KLHL1: variants seen among roughly 807,000 people sequenced by gnomAD.
The protein encoded by KLHL1 is kelch-like protein 1.
A neutral mutation model predicts 77.7 loss-of-function variants in KLHL1; 47 were observed. The observed-to-expected ratio is 0.60, with a 90% CI of 0.48 to 0.77. KLHL1 has a LOEUF of 0.77. Among genes scored for constraint, KLHL1 ranks in the 30% least tolerant of loss-of-function variants. The probability of loss-of-function intolerance (pLI) is 0.00; values close to 1 mark genes in which losing one functional copy is unlikely to be tolerated. For synonymous variants in KLHL1, 360 were observed against 325.2 expected (o/e 1.11, Z -1.15); for missense variants, 925 against 910.8 (o/e 1.02, Z -0.20).
intron 7 of KLHL1, among the ~76,000 whole-genome samples, chr13:69,745,784 G>A (rs774983354): frequency 6.6e-6 from 1 of 151,734 alleles, no homozygotes; most frequent in Non-Finnish European, 1.5e-5. Context: ...TTAAAAAATT[G>A]TAAACATAAA....
intron 4 of KLHL1, among the ~76,000 whole-genome samples, chr13:69,928,879 ATAATTT>A (rs1428455103): frequency 6.6e-6 from 1 of 152,112 alleles, no homozygotes; most frequent in African/African-American, 2.4e-5. Context: ...ATTAAATTGT[ATAATTT>A]TAATTGGTGA....
chr13:69,929,268 C>G (rs1017032455), intron 4 of KLHL1, among the ~76,000 whole-genome samples: 2 of 151,916 alleles, frequency 1.3e-5, no homozygotes, highest in African/African-American at 4.8e-5. Flanking sequence ...GTCAAGCCTT[C>G]TGGTTTTCAA....
In KLHL1 at chr13:70,103,743, G is replaced by A. The variant is rs147641495; in HGVS notation, c.497+3460C>T. Among the ~76,000 whole-genome samples the A allele has an allele frequency of 8.3e-4, 127 of 152,260 alleles. 2 individuals carry two copies. In the East Asian group the frequency reaches 0.022, roughly 27 times the overall value. ...AATTCTGGCTTGCACAAACTAATTC[G>A]TAGAAAGCTATTCTCTGAAATACAG... On this transcript the variant is annotated intron_variant, in intron 1 of 10. Coordinates refer to ENST00000377844, the MANE Select transcript of KLHL1 (RefSeq NM_020866.3).
intron 5 of KLHL1, among the ~76,000 whole-genome samples, chr13:69,845,691 C>T (rs889087130): frequency 2.0e-5 from 3 of 151,432 alleles, no homozygotes; most frequent in Non-Finnish European, 4.4e-5. Context: ...AGCACTTGCT[C>T]TTTGGAAAAT....
chr13:70,032,081 C>T (rs1441578), intron 1 of KLHL1, among the ~76,000 whole-genome samples: 89,724 of 151,984 alleles, frequency 0.59, 28,449 homozygotes, highest in East Asian at 0.81. Flanking sequence ...GACCAGTCTG[C>T]AAATTATGGA....
At chr13:69,881,564 G>A (rs775883911) in intron 5 of KLHL1, among the ~76,000 whole-genome samples, 3 of 152,122 alleles carry the variant, frequency 2.0e-5, no homozygotes, top group Non-Finnish European at 4.4e-5. Context: ...AATTAACAAT[G>A]CTGTACATAG....
intron 4 of KLHL1, among the ~76,000 whole-genome samples, chr13:69,903,834 G>T (rs1352903850): frequency 6.6e-6 from 1 of 151,258 alleles, no homozygotes; most frequent in Non-Finnish European, 1.5e-5. Flanking sequence ...TAGAGACGGG[G>T]TTTCACCATG....
intron 9 of KLHL1, among the ~76,000 whole-genome samples, chr13:69,717,544 T>G (rs541961145): frequency 6.6e-6 from 1 of 152,300 alleles, no homozygotes; most frequent in African/African-American, 2.4e-5. Flanking sequence ...AATGTATTCC[T>G]AGACTGAATT....
At chr13:70,054,366 T>C (rs572488419) in intron 1 of KLHL1, among the ~76,000 whole-genome samples, 14 of 152,104 alleles carry the variant, frequency 9.2e-5, no homozygotes, top group Non-Finnish European at 1.5e-4. Flanking sequence ...GTATACACTA[T>C]TATGTTTCTA....
intron 1 of KLHL1, among the ~76,000 whole-genome samples, chr13:70,015,467 G>T (rs1885634608): frequency 6.6e-6 from 1 of 152,064 alleles, no homozygotes; most frequent in Non-Finnish European, 1.5e-5. Flanking sequence ...ACATAAAAAT[G>T]GCCCATGATT....
Position 69,992,366 on chromosome 13 carries a change from G to T in KLHL1, c.498-16564C>A, listed in dbSNP as rs188437261. Among the ~76,000 whole-genome samples, 198 of 151,976 alleles carry T rather than the reference G, an allele frequency of 1.3e-3. 1 individual carries two copies. The highest frequency in any genetic ancestry group is 4.6e-3 in the African/African-American group (191 of 41,526). ...TGGGGAAGACTAATAATGACCAAAA[G>T]AACTAACTGATAAGTGCTGACATAA... On this transcript the variant is annotated intron_variant, in intron 1 of 10. Coordinates refer to ENST00000377844, the MANE Select transcript of KLHL1 (RefSeq NM_020866.3).
At chr13:69,782,026 T>C (rs867916207) in intron 7 of KLHL1, among the ~76,000 whole-genome samples, 1 of 152,242 alleles carries the variant, frequency 6.6e-6, no homozygotes, top group African/African-American at 2.4e-5. Context: ...CTTACAATTT[T>C]CTTTTCTCTC....
At chr13:69,731,151 T>C (rs1873528203) in intron 8 of KLHL1, among the ~76,000 whole-genome samples, 2 of 152,172 alleles carry the variant, frequency 1.3e-5, no homozygotes, top group African/African-American at 4.8e-5. Flanking sequence ...TTATTAAATA[T>C]ATACATTTTC....
chr13:70,101,027 G>A (rs1887910276), intron 1 of KLHL1, among the ~76,000 whole-genome samples: 1 of 152,074 alleles, frequency 6.6e-6, no homozygotes. Context: ...GACTTAACAT[G>A]TAGACATGAG....
intron 1 of KLHL1, among the ~76,000 whole-genome samples, chr13:69,983,576 C>CAAAAAAAAAAAAAAAAAA (rs1282357751): frequency 9.1e-4 from 37 of 40,588 alleles, no homozygotes; most frequent in African/African-American, 3.8e-3. Flanking sequence ...CCTATCTTTA[C>CAAAAAAAAAAAAAAAAAA]AAAAAAAAAA....
At chr13:69,976,960 T>C (rs1884562633) in intron 1 of KLHL1, among the ~76,000 whole-genome samples, 1 of 152,024 alleles carries the variant, frequency 6.6e-6, no homozygotes, top group African/African-American at 2.4e-5. Flanking sequence ...TCCAAGGAGC[T>C]CAACATAATA....
chr13:69,706,363 C>A (rs1270029616), intron 10 of KLHL1, among the ~76,000 whole-genome samples: 1 of 151,794 alleles, frequency 6.6e-6, no homozygotes, highest in Non-Finnish European at 1.5e-5. Flanking sequence ...ATACCTTAGT[C>A]TAGCCATTAG....
intron 5 of KLHL1, 86 bp from the exon 6 acceptor site, chr13:69,839,248 G>T: frequency 1.1e-6 from 1 of 910,240 alleles, no homozygotes; most frequent in Non-Finnish European, 1.6e-6. Context: ...TTTAATGTCT[G>T]TGATATTATC....
At chr13:70,070,291 G>C (rs1467441128) in intron 1 of KLHL1, among the ~76,000 whole-genome samples, 2 of 151,858 alleles carry the variant, frequency 1.3e-5, no homozygotes, top group East Asian at 3.9e-4. Flanking sequence ...TCTTCACCTA[G>C]GCATATCATT....
Sources: gnomAD v4.1 joint callset for allele counts (sites outside exome capture counted in the v4.1 genomes callset) on GRCh38, gnomAD v4.1.1 for gene constraint, MANE v1.5 for transcripts, NCBI Gene and HGNC (gene_info 2026-07-23, HGNC 2026-07-21) for gene names.